PFDN2: variants seen among roughly 807,000 people sequenced by gnomAD.
PFDN2 encodes prefoldin subunit 2, also known as prefoldin 2.
PFDN2 carries 7 observed loss-of-function variants against 18.3 expected under a neutral mutation model. The ratio of observed to expected loss-of-function variants is 0.38; its 90% CI spans 0.22 to 0.72. The LOEUF (loss-of-function observed/expected upper bound fraction) is 0.72. Among genes scored for constraint, PFDN2 ranks in the 30% least tolerant of loss-of-function variants. The pLI is 0.47. For missense variants in PFDN2, 181 were observed against 199.1 expected (o/e 0.91, Z 0.55); for synonymous variants, 76 against 75.0 (o/e 1.01, Z -0.07).
intron 1 of PFDN2, among the ~76,000 whole-genome samples, chr1:161,107,858 A>T (rs1031642662): frequency 6.6e-6 from 1 of 151,574 alleles, no homozygotes; most frequent in Non-Finnish European, 1.5e-5. Context: ...TCACACCTGT[A>T]ATCCCAGCAC....
chr1:161,101,944 G>A (rs927227553), intron 3 of PFDN2, 104 bp downstream of exon 3: 9 of 1,123,826 alleles, frequency 8.0e-6, no homozygotes, highest in Non-Finnish European at 1.2e-5. Flanking sequence ...TGTTGCCCAG[G>A]CTGGTCTCGA....
chr1:161,110,254 G>A (rs1014599625), intron 1 of PFDN2, among the ~76,000 whole-genome samples: 2 of 151,702 alleles, frequency 1.3e-5, no homozygotes, highest in African/African-American at 2.4e-5. Flanking sequence ...CCAGCTACTC[G>A]GGAGGCTGAG....
At chr1:161,111,220 A>G (rs1029705786) in intron 1 of PFDN2, among the ~76,000 whole-genome samples, 2 of 152,262 alleles carry the variant, frequency 1.3e-5, no homozygotes, top group East Asian at 3.9e-4. Context: ...AGCCTCCCCA[A>G]GTACTGGGAT....
chr1:161,106,983 AT>A (rs1298202181), intron 1 of PFDN2, among the ~76,000 whole-genome samples: 1 of 149,378 alleles, frequency 6.7e-6, no homozygotes, highest in East Asian at 2.0e-4. Context: ...TAATTTCTGT[AT>A]TTTTTTGCAG....
chr1:161,103,540 T>G (rs1654615204), intron 1 of PFDN2, among the ~76,000 whole-genome samples: 1 of 151,406 alleles, frequency 6.6e-6, no homozygotes, highest in African/African-American at 2.4e-5. Flanking sequence ...TACAAAAAAA[T>G]TAGCCGGGCA....
rs138002123 is a variant in PFDN2 at position 161,102,235 on chromosome 1, C to A, written c.164+52G>T. The A allele has an allele frequency of 9.9e-6, 16 of 1,612,526 alleles. No homozygotes were observed. In the African/African-American group the frequency reaches 1.5e-4, roughly 15 times the overall value. ...CCCACTCTACTACAAATCCCCCTCA[C>A]GGAGTAGCCCACACAACTGTCCTAC... On this transcript the variant is annotated intron_variant, in intron 2 of 3. Transcript: ENST00000368010.
intron 1 of PFDN2, among the ~76,000 whole-genome samples, chr1:161,109,919 G>A (rs1040354970): frequency 6.6e-6 from 1 of 151,670 alleles, no homozygotes; most frequent in South Asian, 2.1e-4. Flanking sequence ...GCGTGGTGGG[G>A]GGAGGGTGCC....
chr1:161,100,916 G>C, intron 3 of PFDN2, 57 bp from the exon 4 acceptor site: 1 of 1,300,890 alleles, frequency 7.7e-7, no homozygotes, highest in Non-Finnish European at 1.1e-6. Flanking sequence ...TCCCCCACCT[G>C]GAATGGACTA....
chr1:161,108,002 C>A (rs1654719572), intron 1 of PFDN2, among the ~76,000 whole-genome samples: 1 of 151,116 alleles, frequency 6.6e-6, no homozygotes. Flanking sequence ...GTAGTCCCAG[C>A]TACTTGGGAG....
chr1:161,117,475 T>C (rs971917660), intron 1 of PFDN2, among the ~76,000 whole-genome samples: 2 of 152,120 alleles, frequency 1.3e-5, no homozygotes, highest in African/African-American at 2.4e-5. Flanking sequence ...CGAATTAAAA[T>C]AGTATATAGA....
At chr1:161,102,956 CAA>C (rs1383337026) in intron 1 of PFDN2, among the ~76,000 whole-genome samples, 17 of 91,848 alleles carry the variant, frequency 1.9e-4, no homozygotes, top group Middle Eastern at 6.8e-3. Flanking sequence ...AACTCCGTCT[CAA>C]AAAAAAAAAA....
At chr1:161,112,766 T>C (rs1250964752) in intron 1 of PFDN2, among the ~76,000 whole-genome samples, 1 of 152,166 alleles carries the variant, frequency 6.6e-6, no homozygotes, top group Non-Finnish European at 1.5e-5. Context: ...TCCCCAAACC[T>C]ACCCTACACA....
chr1:161,116,492 C>A (rs1216893471), intron 1 of PFDN2, among the ~76,000 whole-genome samples: 1 of 152,076 alleles, frequency 6.6e-6, no homozygotes, highest in African/African-American at 2.4e-5. Context: ...CCAGCCTCGG[C>A]AACAGAGACT....
At chr1:161,106,496 C>T (rs1654679737) in intron 1 of PFDN2, among the ~76,000 whole-genome samples, 1 of 152,174 alleles carries the variant, frequency 6.6e-6, no homozygotes, top group Admixed American at 6.6e-5. Flanking sequence ...AGTCTTCTCC[C>T]CTATGGCTAG....
chr1:161,105,458 T>C, intron 1 of PFDN2, among the ~76,000 whole-genome samples: 1 of 152,032 alleles, frequency 6.6e-6, no homozygotes, highest in East Asian at 1.9e-4. Flanking sequence ...TACTTTTCTT[T>C]TCTTTTCTTT....
Position 161,117,380 on chromosome 1 carries a change from C to G in PFDN2, c.75+572G>C, listed in dbSNP as rs945226443. On this transcript the variant is annotated intron_variant, in intron 1 of 3. Transcript: ENST00000368010. The stretch of plus-strand genomic sequence containing the variant: ...TCTAATTAACTTATCAAACGCTTCC[C>G]GATGCTAGGCACTGGGGAAAATGCA... Among the ~76,000 whole-genome samples, 3 of 152,200 alleles carry G rather than the reference C, an allele frequency of 2.0e-5. 1 individual carries two copies. The highest frequency in any genetic ancestry group is 7.2e-5 in the African/African-American group (3 of 41,448).
intron 1 of PFDN2, among the ~76,000 whole-genome samples, chr1:161,113,102 T>C (rs556015735): frequency 7.9e-5 from 12 of 152,344 alleles, no homozygotes; most frequent in African/African-American, 2.9e-4. Flanking sequence ...TATTATTTTA[T>C]ATAAGAGTTA....
At chr1:161,112,396 G>C (rs75372745) in intron 1 of PFDN2, among the ~76,000 whole-genome samples, 13,214 of 152,166 alleles carry the variant, frequency 0.087, 620 homozygotes, top group South Asian at 0.13. Context: ...ATCACTCTAG[G>C]CCTCCTGGTA....
intron 1 of PFDN2, among the ~76,000 whole-genome samples, chr1:161,106,210 G>A (rs1430503323): frequency 6.6e-6 from 1 of 152,084 alleles, no homozygotes; most frequent in East Asian, 1.9e-4. Context: ...CATCATGATT[G>A]GAAGCTTCCT....
Sources: allele counts gnomAD v4.1 joint callset (sites outside exome capture counted in the v4.1 genomes callset), GRCh38; gene constraint gnomAD v4.1.1; transcripts MANE v1.5; gene names NCBI Gene and HGNC (gene_info 2026-07-23, HGNC 2026-07-21).